ARRDC4: variants seen among roughly 807,000 people sequenced by gnomAD.
The protein encoded by ARRDC4 is arrestin domain containing 4, also known as arrestin domain-containing protein 4.
Under a neutral mutation model 44.6 loss-of-function variants are expected in ARRDC4, and 40 were observed. The ratio of observed to expected loss-of-function variants is 0.90; its 90% confidence interval spans 0.70 to 1.17. The LOEUF is 1.17. ARRDC4 is among the 50% of genes most tolerant of loss of function. ARRDC4 has a pLI of 0.00. For missense variants in ARRDC4, 550 were observed against 559.1 expected (o/e 0.98, Z 0.16); for synonymous variants, 211 against 221.2 (o/e 0.95, Z 0.41).
Position 97,960,957 on chromosome 15 carries a change from T to G in ARRDC4, c.96T>G (p.Tyr32Ter). ...LVFEDERKGC[Y>*]SSGETVAGHV... The stretch of plus-strand genomic sequence containing the variant: ...TCGAGGACGAGCGCAAGGGCTGCTA[T>G]TCCAGCGGCGAGACAGTGGCCGGGC... Residue 32 changes from tyrosine to a stop codon, truncating the protein, a stop_gained, in exon 1 of 8, where the codon TAT becomes TAG. Transcript: ENST00000268042. LOFTEE classifies it high-confidence loss of function. 2 of 1,468,460 alleles carry G rather than the reference T, an allele frequency of 1.4e-6. No individual in the cohort carries two copies. Among genetic ancestry groups the G allele is most frequent in the Non-Finnish European group, 9.0e-7 (1 of 1,108,362 alleles). The allele number at this position is 1,468,460 out of a possible 1,614,324, so 91.0% of individuals were successfully genotyped here.
At chr15:97,969,854 C>G (rs1555456475) in intron 5 of ARRDC4, 29 bp from the exon 6 acceptor site, 1 of 1,375,998 alleles carries the variant, frequency 7.3e-7, no homozygotes, top group Non-Finnish European at 9.7e-7. Context: ...TTGTTCCTTT[C>G]TCTTTTTTTT....
chr15:97,968,916 C>G lies in ARRDC4; in HGVS notation c.626-207C>G, dbSNP rs1212264931. On this transcript the variant is annotated intron_variant, in intron 4 of 7. Coordinates refer to ENST00000268042, the MANE Select transcript of ARRDC4 (RefSeq NM_183376.3). This position sits in a 1 kb window ranked among gnomAD's most constrained non-coding sequence, Gnocchi z 5.4. Reference sequence around the variant, plus strand: ...TGCAATATTGCTACTTTAGAAAAGTCAATAATGCAATAATTAGAAAATAAG... The same window carrying G: ...TGCAATATTGCTACTTTAGAAAAGTGAATAATGCAATAATTAGAAAATAAG... Among the ~76,000 whole-genome samples, 1 of 152,068 alleles carries G rather than the reference C, an allele frequency of 6.6e-6. No homozygotes were observed. The highest frequency in any genetic ancestry group is 1.5e-5 in the Non-Finnish European group (1 of 68,000).
chr15:97,969,398 TA>T lies in ARRDC4; in HGVS notation c.882+28del, dbSNP rs752258572. On this transcript the variant is annotated intron_variant, in intron 5 of 7. Coordinates refer to ENST00000268042, the MANE Select transcript of ARRDC4 (RefSeq NM_183376.3). ...CTTAGCTGTAAGCAAAGCTCTTTTTTAAAAAAAAATGTGTATGATGGACAAT... is the reference window on the plus strand; with the variant it reads ...CTTAGCTGTAAGCAAAGCTCTTTTTTAAAAAAAATGTGTATGATGGACAAT... The T allele has an allele frequency of 3.6e-4, 365 of 1,006,556 alleles. 1 individual carries two copies. Among genetic ancestry groups the T allele is most frequent in the Middle Eastern group, 2.3e-3 (9 of 3,844 alleles). The allele number at this position is 1,006,556 out of a possible 1,614,324, so 62.4% of individuals were successfully genotyped here.
chr15:97,960,948 G>T lies in ARRDC4; in HGVS notation c.87G>T (p.Lys29Asn). Residue 29 changes from lysine (K) to asparagine (N), a missense_variant, in exon 1 of 8, where the codon AAG becomes AAT. Coordinates refer to ENST00000268042, the MANE Select transcript of ARRDC4 (RefSeq NM_183376.3). Reference protein sequence around the residue: ...SLGLVFEDERKGCYSSGETVA... With the variant: ...SLGLVFEDERNGCYSSGETVA... ...GTCTGGTGTTCGAGGACGAGCGCAA[G>T]GGCTGCTATTCCAGCGGCGAGACAG... is the stretch of plus-strand genomic sequence containing the variant. The T allele has an allele frequency of 6.8e-7, 1 of 1,470,408 alleles. No homozygotes were observed. The highest frequency in any genetic ancestry group is 3.0e-5 in the East Asian group (1 of 33,122). 91.1% of individuals were successfully genotyped at this position (1,470,408 alleles called of 1,614,324 possible).
Position 97,970,716 on chromosome 15 carries a change from G to C in ARRDC4, c.1173G>C (p.Arg391=), listed in dbSNP as rs762535900. 3.1e-6 allele frequency: 5 copies of C among 1,613,228 alleles called. No individual in the cohort carries two copies. The highest frequency in any genetic ancestry group is 4.2e-6 in the Non-Finnish European group (5 of 1,179,518). The stretch of plus-strand genomic sequence containing the variant: ...TGTTTGCCTGTATACAAGAATTCCG[G>C]TTTCAACCCCCACCTCTTTATTCAG... ...CPVFACIQEF[R]FQPPPLYSEV... is the part of the protein sequence containing the mutation. Residue 391 remains arginine, a synonymous_variant, in exon 7 of 8, where the codon CGG becomes CGC. Coordinates refer to ENST00000268042, the MANE Select transcript of ARRDC4 (RefSeq NM_183376.3). This position sits in a 1 kb window ranked among gnomAD's most constrained non-coding sequence, Gnocchi z 4.2.
In ARRDC4 at chr15:97,969,868, T is replaced by G; in HGVS notation, c.883-15T>G. 1 of 1,533,612 alleles carries G rather than the reference T, an allele frequency of 6.5e-7. No individual in the cohort carries two copies. On this transcript the variant is annotated splice_polypyrimidine_tract_variant and intron_variant, in intron 5 of 7. Transcript: ENST00000268042. ...TTTGTTCCTTTCTCTTTTTTTTTTT[T>G]TTTTGGCTTATTAGGTATACATTCA...
At position 97,973,080 on chromosome 15, in the gene ARRDC4, GT is replaced by G. The variant is rs1899542370; in HGVS notation, c.*1895del. 6.6e-6 allele frequency: 1 copy of G among 152,190 alleles called. No homozygotes were observed. The highest frequency in any genetic ancestry group is 6.5e-5 in the Admixed American group (1 of 15,280). The allele number at this position is 152,190 out of a possible 1,614,324, so 9.4% of individuals were successfully genotyped here. On this transcript the variant is annotated 3_prime_UTR_variant, in exon 8 of 8. Coordinates refer to ENST00000268042, the MANE Select transcript of ARRDC4 (RefSeq NM_183376.3). ...TGTGTATTTAAGTGTTGTCTAAACA[GT>G]TGATTTTTACTTTAGAAAAGATCAT...
At chr15:97,961,947 A>AT (rs754476617) in intron 1 of ARRDC4, among the ~76,000 whole-genome samples, 2 of 152,186 alleles carry the variant, frequency 1.3e-5, no homozygotes, top group Non-Finnish European at 2.9e-5. Flanking sequence ...AGAAGTACCC[A>AT]TGTGGGGACA....
At chr15:97,961,308 G>C in intron 1 of ARRDC4, 140 bp downstream of exon 1, 1 of 795,836 alleles carries the variant, frequency 1.3e-6, no homozygotes. Context: ...GCCTACCCTC[G>C]CGGGTAAGGA....
rs1043382 is a variant in ARRDC4, at chr15:97,973,522, T to G, written c.*2335T>G. The stretch of plus-strand genomic sequence containing the variant: ...ATGTAGCTGCTGTTATTTGCTTGGT[T>G]ATTCCCCTCTTGCTCTTCTTTAGTT... On this transcript the variant is annotated 3_prime_UTR_variant, in exon 8 of 8. Transcript: ENST00000268042. 0.7 allele frequency: 106,945 copies of G among 152,428 alleles called. 37,876 individuals are homozygous for G. Among genetic ancestry groups the G allele is most frequent in the East Asian group, 0.89 (4,583 of 5,152 alleles). 9.4% of individuals were successfully genotyped at this position (152,428 alleles called of 1,614,324 possible). A position where few individuals can be genotyped will look rare whatever the true frequency, so the allele number is the denominator to read the frequency against.
intron 1 of ARRDC4, among the ~76,000 whole-genome samples, chr15:97,963,450 G>T (rs1899359584): frequency 6.6e-6 from 1 of 152,090 alleles, no homozygotes; most frequent in Non-Finnish European, 1.5e-5. Flanking sequence ...AAATGATATA[G>T]ATCCGATGTC....
Position 97,966,589 on chromosome 15 carries a change from T to A in ARRDC4, c.522+547T>A, listed in dbSNP as rs1306028634. On this transcript the variant is annotated intron_variant, in intron 3 of 7. Coordinates refer to ENST00000268042, the MANE Select transcript of ARRDC4 (RefSeq NM_183376.3). This position sits in a 1 kb window ranked among gnomAD's most constrained non-coding sequence, Gnocchi z 4.7. Reference sequence around the variant, plus strand: ...TCACTTATCATTTCCTTATGACAGATTTGGCCACATTAAAGCATTGAACTT... The same window carrying A: ...TCACTTATCATTTCCTTATGACAGAATTGGCCACATTAAAGCATTGAACTT... 6.6e-6 allele frequency among the ~76,000 whole-genome samples: 1 copy of A among 152,182 alleles called. No homozygotes were observed. The highest frequency in any genetic ancestry group is 1.5e-5 in the Non-Finnish European group (1 of 68,038).
In ARRDC4 at chr15:97,967,894, T is replaced by G; in HGVS notation, c.523-120T>G. ...AATATGTTACATGAGGATAAGAAAGTTTGATTCATTTTTTTGGTATTTCCT... is the reference window on the plus strand; with the variant it reads ...AATATGTTACATGAGGATAAGAAAGGTTGATTCATTTTTTTGGTATTTCCT... On this transcript the variant is annotated intron_variant, in intron 3 of 7. Coordinates refer to ENST00000268042, the MANE Select transcript of ARRDC4 (RefSeq NM_183376.3). The surrounding 1 kb of genome is among the most constrained non-coding windows in gnomAD (Gnocchi z 5.0). The G allele has an allele frequency of 1.7e-6, 1 of 580,954 alleles. No individual in the cohort carries two copies. Among genetic ancestry groups the G allele is most frequent in the Non-Finnish European group, 2.8e-6 (1 of 351,692 alleles). 36.0% of individuals were successfully genotyped at this position (580,954 alleles called of 1,614,324 possible). A position where few individuals can be genotyped will look rare whatever the true frequency, so the allele number is the denominator to read the frequency against.
Position 97,961,167 on chromosome 15 carries a change from C to T in ARRDC4, c.306C>T (p.Ala102=), listed in dbSNP as rs919646002. The T allele has an allele frequency of 5.6e-6, 8 of 1,428,636 alleles. No homozygotes were observed. Among genetic ancestry groups the T allele is most frequent in the Non-Finnish European group, 7.3e-6 (8 of 1,102,030 alleles). The allele number at this position is 1,428,636 out of a possible 1,614,324, so 88.5% of individuals were successfully genotyped here. The change falls in exon 1 of 8, where the codon GCC becomes GCT. Residue 102 remains alanine, a splice_region_variant and synonymous_variant. Coordinates refer to ENST00000268042, the MANE Select transcript of ARRDC4 (RefSeq NM_183376.3). The part of the protein sequence containing the change: ...NVRLSLREPP[A]GEGIILLQPG... ...GCCTCAGCCTGCGGGAGCCCCCGGCCGGTAAGCGCAGGCGAGCGCCTGGGG... is the reference window on the plus strand; with the variant it reads ...GCCTCAGCCTGCGGGAGCCCCCGGCTGGTAAGCGCAGGCGAGCGCCTGGGG...
In ARRDC4 at chr15:97,960,917, G is replaced by T; in HGVS notation, c.56G>T (p.Ser19Ile). 6.9e-7 allele frequency: 1 copy of T among 1,455,332 alleles called. No individual in the cohort carries two copies. 90.2% of individuals were successfully genotyped at this position (1,455,332 alleles called of 1,614,324 possible). A position where few individuals can be genotyped will look rare whatever the true frequency, so the allele number is the denominator to read the frequency against. ...AAVGAEGRVKSLGLVFEDERK... is the reference protein window; with the variant it reads ...AAVGAEGRVKILGLVFEDERK... Reference sequence around the variant, plus strand: ...GTGGGTGCCGAGGGCCGCGTGAAGAGCCTGGGTCTGGTGTTCGAGGACGAG... The same window carrying T: ...GTGGGTGCCGAGGGCCGCGTGAAGATCCTGGGTCTGGTGTTCGAGGACGAG... Residue 19 changes from serine to isoleucine, a missense_variant, in exon 1 of 8, where the codon AGC becomes ATC. By Grantham distance (142) the Ser-to-Ile change is moderately radical (BLOSUM62 -2). Coordinates refer to ENST00000268042, the MANE Select transcript of ARRDC4 (RefSeq NM_183376.3).
rs1899299319 is a variant in ARRDC4, at chr15:97,960,932, T to G, written c.71T>G (p.Phe24Cys). 1 of 1,466,220 alleles carries G rather than the reference T, an allele frequency of 6.8e-7. No homozygotes were observed. Among genetic ancestry groups the G allele is most frequent in the East Asian group, 3.0e-5 (1 of 33,120 alleles). The allele number at this position is 1,466,220 out of a possible 1,614,324, so 90.8% of individuals were successfully genotyped here. The change falls in exon 1 of 8, where the codon TTC becomes TGC. Residue 24 changes from phenylalanine to cysteine, a missense_variant. Coordinates refer to ENST00000268042, the MANE Select transcript of ARRDC4 (RefSeq NM_183376.3). ...EGRVKSLGLV[F>C]EDERKGCYSS... The stretch of plus-strand genomic sequence containing the variant: ...CGCGTGAAGAGCCTGGGTCTGGTGT[T>G]CGAGGACGAGCGCAAGGGCTGCTAT...
At position 97,970,045 on chromosome 15, in the gene ARRDC4, G is replaced by T; in HGVS notation, c.1045G>T (p.Ala349Ser). 1 of 1,602,008 alleles carries T rather than the reference G, an allele frequency of 6.2e-7. No individual in the cohort carries two copies. Among genetic ancestry groups the T allele is most frequent in the Non-Finnish European group, 8.5e-7 (1 of 1,171,304 alleles). The change falls in exon 6 of 8, where the codon GCA (alanine) becomes TCA (serine). Residue 349 changes from alanine to serine, a missense_variant and splice_region_variant. Ala to Ser is a moderately conservative substitution (Grantham distance 99). Transcript: ENST00000268042. This position sits in a 1 kb window ranked among gnomAD's most constrained non-coding sequence, Gnocchi z 4.2. ...LTLTLPEQPE[A>S]PPNYADVVSE... ...ACTGACCCTGCCAGAGCAGCCTGAA[G>T]GTAAAATATGTTGGCGTTCTTTCAT...
rs1320627205 is a variant in ARRDC4, at chr15:97,970,729, C to G, written c.1186C>G (p.Pro396Ala). The change falls in exon 7 of 8, where the codon CCT becomes GCT. Residue 396 changes from proline to alanine, a missense_variant. Transcript: ENST00000268042. The surrounding 1 kb of genome is among the most constrained non-coding windows in gnomAD (Gnocchi z 4.2). ...CIQEFRFQPP[P>A]LYSEVDPHPS... ...ACAAGAATTCCGGTTTCAACCCCCA[C>G]CTCTTTATTCAGAGGTAAGCAAAGC... 1.2e-6 allele frequency: 2 copies of G among 1,612,274 alleles called. No individual in the cohort carries two copies. Among genetic ancestry groups the G allele is most frequent in the African/African-American group, 2.7e-5 (2 of 74,844 alleles).
In ARRDC4 at chr15:97,973,727, ATTTT is replaced by A. The variant is rs1899553006; in HGVS notation, c.*2542_*2545del. The A allele has an allele frequency of 6.6e-6, 1 of 152,448 alleles. No homozygotes were observed. The highest frequency in any genetic ancestry group is 1.5e-5 in the Non-Finnish European group (1 of 67,988). 9.4% of individuals were successfully genotyped at this position (152,448 alleles called of 1,614,324 possible). On this transcript the variant is annotated 3_prime_UTR_variant, in exon 8 of 8. Coordinates refer to ENST00000268042, the MANE Select transcript of ARRDC4 (RefSeq NM_183376.3). ...GTAAGTTAACTATGAAAGCTTTCTT[ATTTT>A]TATTATTAAAAATGTAACAATTTAA...
Sources: allele counts gnomAD v4.1 joint callset (sites outside exome capture counted in the v4.1 genomes callset), GRCh38; gene constraint gnomAD v4.1.1; non-coding constraint Gnocchi (gnomAD v3.1); transcripts MANE v1.5; gene names NCBI Gene and HGNC (gene_info 2026-07-23, HGNC 2026-07-21).